The following NRG2 variants were observed in gnomAD, a reference collection of about 807,000 sequenced individuals.
NRG2 encodes pro-neuregulin-2, membrane-bound isoform.
A neutral mutation model predicts 73.9 loss-of-function variants in NRG2; 27 were observed. The ratio of observed to expected loss-of-function variants is 0.37; its 90% CI spans 0.27 to 0.50. The LOEUF (loss-of-function observed/expected upper bound fraction) is 0.50, where lower values mean the gene tolerates loss of function less well. Among genes scored for constraint, NRG2 ranks in the 20% least tolerant of loss-of-function variants. The probability of loss-of-function intolerance (pLI) is 0.96; values close to 1 mark genes in which losing one functional copy is unlikely to be tolerated. For synonymous variants in NRG2, 532 were observed against 541.0 expected, an observed-to-expected ratio of 0.98 and a Z score of 0.23; for missense variants, 1,126 against 1,210.1, an observed-to-expected ratio of 0.93 and a Z score of 1.03.
chr5:139,892,375 T>C (rs995638663), intron 1 of NRG2, among the ~76,000 whole-genome samples: 2 of 152,136 alleles, frequency 1.3e-5, no homozygotes, highest in Non-Finnish European at 2.9e-5. Context: ...TTCTGCATGT[T>C]AAGCTCATTC....
At chr5:140,035,935 A>C (rs1424889628) in intron 1 of NRG2, among the ~76,000 whole-genome samples, 1 of 152,338 alleles carries the variant, frequency 6.6e-6, no homozygotes, top group African/African-American at 2.4e-5. Flanking sequence ...CGTTGCTTGC[A>C]GAATACAGAA....
intron 1 of NRG2, among the ~76,000 whole-genome samples, chr5:139,911,004 C>A (rs1417250972): frequency 2.6e-5 from 4 of 151,918 alleles, no homozygotes; most frequent in African/African-American, 9.7e-5. Context: ...AGGTGGGGAG[C>A]CTCCCCTGGC....
chr5:139,941,350 C>T (rs555880770), intron 1 of NRG2, among the ~76,000 whole-genome samples: 2 of 148,430 alleles, frequency 1.3e-5, no homozygotes, highest in Non-Finnish European at 3.0e-5. Flanking sequence ...GTAATACAGG[C>T]CTATTAATGA....
chr5:139,862,778 G>A (rs565508121), intron 5 of NRG2, among the ~76,000 whole-genome samples: 7 of 152,384 alleles, frequency 4.6e-5, no homozygotes, highest in African/African-American at 1.4e-4. Flanking sequence ...ATGCTCATGC[G>A]TTTGTGCTTG....
chr5:140,040,747 GT>G (rs1761849968), intron 1 of NRG2, among the ~76,000 whole-genome samples: 1 of 152,088 alleles, frequency 6.6e-6, no homozygotes, highest in Admixed American at 6.6e-5. Flanking sequence ...GCATCTCAGA[GT>G]ATTTTAATAC....
At chr5:140,039,158 T>G (rs1761721283) in intron 1 of NRG2, among the ~76,000 whole-genome samples, 1 of 152,216 alleles carries the variant, frequency 6.6e-6, no homozygotes, top group South Asian at 2.1e-4. Flanking sequence ...ATCTTCATTT[T>G]TTATGCTATT....
At chr5:139,917,108 TC>T (rs59580842) in intron 1 of NRG2, among the ~76,000 whole-genome samples, 3,117 of 152,304 alleles carry the variant, frequency 0.02, 112 homozygotes, top group African/African-American at 0.071. Flanking sequence ...ATTCTAGCTA[TC>T]CCAATGGATG....
chr5:139,973,876 G>C (rs1235572328), intron 1 of NRG2, among the ~76,000 whole-genome samples: 1 of 152,094 alleles, frequency 6.6e-6, no homozygotes, highest in Non-Finnish European at 1.5e-5. Context: ...GAAAGAGTAG[G>C]TATAGTATGA....
chr5:139,986,017 C>T (rs2126575961), intron 1 of NRG2, among the ~76,000 whole-genome samples: 1 of 152,304 alleles, frequency 6.6e-6, no homozygotes, highest in South Asian at 2.1e-4. Context: ...CTTCTCACAG[C>T]AGGGTCTGGA....
intron 1 of NRG2, among the ~76,000 whole-genome samples, chr5:139,987,899 C>T (rs182546082): frequency 0.013 from 2,019 of 152,004 alleles, 42 homozygotes; most frequent in African/African-American, 0.046. Context: ...CTCAGCCTCC[C>T]GAGTAGCTGG....
chr5:140,027,766 C>T (rs75362236), intron 1 of NRG2, among the ~76,000 whole-genome samples: 11,247 of 152,176 alleles, frequency 0.074, 488 homozygotes, highest in South Asian at 0.1. Context: ...ACATATCCCG[C>T]ATGGATTGGG....
chr5:139,926,785 T>A (rs1286274661), intron 1 of NRG2, among the ~76,000 whole-genome samples: 4 of 152,194 alleles, frequency 2.6e-5, no homozygotes, highest in Non-Finnish European at 5.9e-5. Flanking sequence ...CCTGTTGTCT[T>A]GTTTGGGTGC....
At chr5:139,873,559 T>C (rs1762994430) in intron 3 of NRG2, among the ~76,000 whole-genome samples, 1 of 152,242 alleles carries the variant, frequency 6.6e-6, no homozygotes. Flanking sequence ...TCCTAGCCCC[T>C]GGCTGTACAT....
chr5:139,987,653 T>C (rs763209200), intron 1 of NRG2, among the ~76,000 whole-genome samples: 2 of 152,150 alleles, frequency 1.3e-5, no homozygotes, highest in African/African-American at 2.4e-5. Context: ...TGTTGCCTCA[T>C]ACCAGTGGGA....
chr5:139,854,986 C>T (rs954073304), intron 6 of NRG2, among the ~76,000 whole-genome samples: 3 of 152,264 alleles, frequency 2.0e-5, no homozygotes, highest in African/African-American at 7.2e-5. Flanking sequence ...TCTGGGCTGC[C>T]CATGCTCCGG....
In NRG2 at chr5:139,883,635, G is replaced by A. The variant is rs1581856164; in HGVS notation, c.873-2661C>T. Reference sequence around the variant, plus strand: ...ACAGAGAACATTTTGCCAGAAAGCAGACTCCTGCCACTGCCCCTGGCCCCT... The same window carrying A: ...ACAGAGAACATTTTGCCAGAAAGCAAACTCCTGCCACTGCCCCTGGCCCCT... On this transcript the variant is annotated intron_variant, in intron 2 of 9. Coordinates refer to ENST00000361474, the MANE Select transcript of NRG2 (RefSeq NM_004883.3). Among the ~76,000 whole-genome samples, 4 of 152,302 alleles carry A rather than the reference G, an allele frequency of 2.6e-5. No individual in the cohort carries two copies. In the South Asian group the frequency reaches 8.3e-4, roughly 32 times the overall value.
At chr5:139,920,834 A>G (rs1443867760) in intron 1 of NRG2, among the ~76,000 whole-genome samples, 2 of 152,210 alleles carry the variant, frequency 1.3e-5, no homozygotes, top group African/African-American at 4.8e-5. Context: ...GAACTAACAA[A>G]AGCTTAACTA....
chr5:139,958,566 A>G (rs1434818855), intron 1 of NRG2, among the ~76,000 whole-genome samples: 1 of 152,182 alleles, frequency 6.6e-6, no homozygotes, highest in Non-Finnish European at 1.5e-5. Flanking sequence ...AATGCTTACA[A>G]ACAGCTGAAG....
intron 1 of NRG2, among the ~76,000 whole-genome samples, chr5:139,962,219 C>T (rs991647730): frequency 6.6e-6 from 1 of 152,080 alleles, no homozygotes; most frequent in South Asian, 2.1e-4. Flanking sequence ...CTGCAAAGCC[C>T]CTGGAGCAGA....
Sources: gnomAD v4.1 joint callset for allele counts (sites outside exome capture counted in the v4.1 genomes callset) on GRCh38, gnomAD v4.1.1 for gene constraint, MANE v1.5 for transcripts, NCBI Gene and HGNC (gene_info 2026-07-23, HGNC 2026-07-21) for gene names.